Variants in RAB3GAP1 observed in about 807,000 individuals in gnomAD.
RAB3GAP1 encodes the protein rab3 GTPase-activating protein catalytic subunit.
A neutral mutation model predicts 130.7 loss-of-function variants in RAB3GAP1; 86 were observed. The observed-to-expected ratio is 0.66, with a 90% confidence interval of 0.55 to 0.79. The LOEUF (loss-of-function observed/expected upper bound fraction) is 0.79, where lower values mean the gene tolerates loss of function less well. RAB3GAP1 is among the 30% of genes least tolerant of loss of function. The pLI is 0.00. For missense variants in RAB3GAP1, 1,029 were observed against 1,169.4 expected (o/e 0.88, Z 1.75); for synonymous variants, 367 against 401.7 (o/e 0.91, Z 1.03).
chr2:135,084,201 C>G (rs542574399), intron 3 of RAB3GAP1, among the ~76,000 whole-genome samples: 56 of 152,292 alleles, frequency 3.7e-4, no homozygotes, highest in South Asian at 6.2e-4. Context: ...GCCGAGATCA[C>G]TCCATTGCAC....
At chr2:135,080,182 C>T (rs957730113) in intron 3 of RAB3GAP1, among the ~76,000 whole-genome samples, 4 of 150,302 alleles carry the variant, frequency 2.7e-5, no homozygotes, top group African/African-American at 9.8e-5. Context: ...TTTGTATGCA[C>T]AGGGGTACAC....
chr2:135,122,235 A>G (rs1339709609), intron 8 of RAB3GAP1, among the ~76,000 whole-genome samples: 1 of 152,224 alleles, frequency 6.6e-6, no homozygotes, highest in Non-Finnish European at 1.5e-5. Context: ...TACAACAGAG[A>G]AATAAAAGCT....
chr2:135,084,327 C>A (rs1252449316), intron 3 of RAB3GAP1, among the ~76,000 whole-genome samples: 3 of 152,198 alleles, frequency 2.0e-5, no homozygotes, highest in African/African-American at 7.2e-5. Flanking sequence ...GGATACAAGT[C>A]CCCATGGGGT....
chr2:135,095,424 G>T lies in RAB3GAP1; in HGVS notation c.362+1731G>T, dbSNP rs547380855. Among the ~76,000 whole-genome samples the T allele has an allele frequency of 7.2e-5, 11 of 152,284 alleles. No individual in the cohort carries two copies. In the South Asian group the frequency reaches 8.3e-4, roughly 11 times the overall value. Reference sequence around the variant, plus strand: ...TCTGCACAATGTATTTCATAATCCAGGGTAGTGCTTAACTGTAGTCTCATG... The same window carrying T: ...TCTGCACAATGTATTTCATAATCCATGGTAGTGCTTAACTGTAGTCTCATG... On this transcript the variant is annotated intron_variant, in intron 5 of 23. Transcript: ENST00000264158.
intron 18 of RAB3GAP1, among the ~76,000 whole-genome samples, chr2:135,153,438 T>C (rs1439941339): frequency 6.6e-6 from 1 of 152,226 alleles, no homozygotes; most frequent in African/African-American, 2.4e-5. Flanking sequence ...AATGAAAATG[T>C]TTTCTTTTTC....
intron 6 of RAB3GAP1, 83 bp downstream of exon 6, chr2:135,113,353 C>A: frequency 6.5e-7 from 1 of 1,542,844 alleles, no homozygotes; most frequent in East Asian, 2.2e-5. Context: ...TAAATGTTAG[C>A]TTTTTAACTG....
At chr2:135,092,781 G>T (rs2104878220) in intron 4 of RAB3GAP1, among the ~76,000 whole-genome samples, 1 of 152,298 alleles carries the variant, frequency 6.6e-6, no homozygotes, top group South Asian at 2.1e-4. Context: ...TGTTGCAAGT[G>T]TACATATAAA....
chr2:135,170,143 G>A lies in RAB3GAP1; in HGVS notation c.*1362G>A, dbSNP rs1692808474. 1 of 159,014 alleles carries A rather than the reference G, an allele frequency of 6.3e-6. No homozygotes were observed. Among genetic ancestry groups the A allele is most frequent in the Admixed American group, 6.3e-5 (1 of 15,822 alleles). 9.9% of individuals were successfully genotyped at this position (159,014 alleles called of 1,614,324 possible). ...ATTCTTACTGGTCCACGCAGATGCA[G>A]GCGGCCTGAGGCCAGTGCTGTACCA... is the stretch of plus-strand genomic sequence containing the variant. On this transcript the variant is annotated 3_prime_UTR_variant, in exon 24 of 24. Coordinates refer to ENST00000264158, the MANE Select transcript of RAB3GAP1 (RefSeq NM_012233.3).
chr2:135,171,740 A>C (rs140957710), downstream of RAB3GAP1, among the ~76,000 whole-genome samples: 1,245 of 152,334 alleles, frequency 8.2e-3, 14 homozygotes, highest in Middle Eastern at 0.017. Context: ...CCTGGTGCTC[A>C]GGAAGCTCAC....
chr2:135,064,619 G>A (rs562654393), intron 3 of RAB3GAP1, among the ~76,000 whole-genome samples: 24 of 150,274 alleles, frequency 1.6e-4, no homozygotes, highest in African/African-American at 4.9e-4. Flanking sequence ...TAGTCCTTGA[G>A]TGTATTTATT....
intron 3 of RAB3GAP1, among the ~76,000 whole-genome samples, chr2:135,084,222 G>C (rs1396889281): frequency 1.3e-5 from 2 of 152,168 alleles, no homozygotes; most frequent in African/African-American, 4.8e-5. Flanking sequence ...TCCAGCCTGG[G>C]CAACAAGAGC....
At chr2:135,097,369 C>T (rs1445289541) in intron 5 of RAB3GAP1, among the ~76,000 whole-genome samples, 2 of 152,056 alleles carry the variant, frequency 1.3e-5, no homozygotes, top group African/African-American at 2.4e-5. Context: ...GTGCACACCA[C>T]CATGCCCGGC....
At chr2:135,052,595 A>T in intron 2 of RAB3GAP1, 110 bp downstream of exon 2, 17 of 1,289,172 alleles carry the variant, frequency 1.3e-5, no homozygotes, top group Non-Finnish European at 1.9e-5. Flanking sequence ...GGGAACGGTA[A>T]TACCGTGGGT....
At chr2:135,073,500 G>A (rs1689536954) in intron 3 of RAB3GAP1, among the ~76,000 whole-genome samples, 2 of 152,166 alleles carry the variant, frequency 1.3e-5, no homozygotes, top group South Asian at 4.1e-4. Context: ...ATTTTTAATG[G>A]CTGAGCATGT....
intron 7 of RAB3GAP1, among the ~76,000 whole-genome samples, chr2:135,117,786 G>GCTTCTTCTTCTT (rs1164520454): frequency 2.5e-5 from 3 of 119,308 alleles, no homozygotes; most frequent in South Asian, 2.6e-4. Flanking sequence ...TGCTTCTTCT[G>GCTTCTTCTTCTT]CTTCTTCTTC....
chr2:135,138,872 T>A (rs1297287757), intron 17 of RAB3GAP1, among the ~76,000 whole-genome samples: 1 of 152,144 alleles, frequency 6.6e-6, no homozygotes, highest in Non-Finnish European at 1.5e-5. Context: ...TGTTTCGGCC[T>A]CCCAAAGTGC....
intron 17 of RAB3GAP1, among the ~76,000 whole-genome samples, chr2:135,145,665 T>C (rs1229248674): frequency 6.6e-6 from 1 of 152,198 alleles, no homozygotes; most frequent in African/African-American, 2.4e-5. Flanking sequence ...ATCATTTAAA[T>C]GAAATAGTAC....
intron 3 of RAB3GAP1, among the ~76,000 whole-genome samples, chr2:135,073,337 A>T (rs1366376242): frequency 6.6e-6 from 1 of 152,196 alleles, no homozygotes; most frequent in Non-Finnish European, 1.5e-5. Flanking sequence ...AGGGAAATTT[A>T]TAATTTCATT....
chr2:135,079,942 C>T (rs1689742349), intron 3 of RAB3GAP1, among the ~76,000 whole-genome samples: 1 of 151,890 alleles, frequency 6.6e-6, no homozygotes, highest in African/African-American at 2.4e-5. Flanking sequence ...ACGGTGAAAC[C>T]CTGTCTCTAC....
Sources: allele counts gnomAD v4.1 joint callset (sites outside exome capture counted in the v4.1 genomes callset), GRCh38; gene constraint gnomAD v4.1.1; transcripts MANE v1.5; gene names NCBI Gene and HGNC (gene_info 2026-07-23, HGNC 2026-07-21).